Variants in EDAR observed in about 807,000 individuals in gnomAD.
EDAR encodes the protein tumor necrosis factor receptor superfamily member EDAR.
EDAR carries 38 observed loss-of-function variants against 51.3 expected under a neutral mutation model. That is an observed-to-expected ratio of 0.74 (90% CI 0.57 to 0.97). The LOEUF is 0.97. Ranked by LOEUF, EDAR falls within the 50% of genes least tolerant of loss-of-function variation. The probability of loss-of-function intolerance (pLI) is 0.00; values close to 1 mark genes in which losing one functional copy is unlikely to be tolerated. For missense variants in EDAR, 528 were observed against 595.0 expected (o/e 0.89, Z 1.17); for synonymous variants, 227 against 242.1 (o/e 0.94, Z 0.58).
At chr2:108,914,723 A>G (rs2105410874) in intron 5 of EDAR, among the ~76,000 whole-genome samples, 2 of 152,298 alleles carry the variant, frequency 1.3e-5, no homozygotes, top group East Asian at 3.9e-4. Context: ...TGTCTCTACC[A>G]GTTCTGGAGA....
intron 11 of EDAR, among the ~76,000 whole-genome samples, chr2:108,902,097 G>GA (rs2105381089): frequency 6.6e-6 from 1 of 152,214 alleles, no homozygotes; most frequent in South Asian, 2.1e-4. Flanking sequence ...AATTAGCTGG[G>GA]CATGGTGGCA....
chr2:108,918,709 T>C (rs1171101387), intron 5 of EDAR, among the ~76,000 whole-genome samples: 1 of 152,190 alleles, frequency 6.6e-6, no homozygotes, highest in African/African-American at 2.4e-5. Flanking sequence ...AGCACATGGC[T>C]GGAGGGAGCT....
intron 11 of EDAR, 42 bp from the exon 12 acceptor site, chr2:108,897,271 G>T: frequency 6.5e-7 from 1 of 1,546,784 alleles, no homozygotes; most frequent in South Asian, 1.1e-5. Context: ...GCAAGTCACA[G>T]TCAATAGAAG....
At chr2:108,917,027 C>T (rs568564609) in intron 5 of EDAR, among the ~76,000 whole-genome samples, 14 of 152,290 alleles carry the variant, frequency 9.2e-5, no homozygotes, top group East Asian at 3.9e-4. Flanking sequence ...GCTCGGAGCT[C>T]GGCAATAAGG....
At chr2:108,941,615 C>A (rs887116999) in intron 1 of EDAR, among the ~76,000 whole-genome samples, 1 of 152,196 alleles carries the variant, frequency 6.6e-6, no homozygotes, top group Non-Finnish European at 1.5e-5. Flanking sequence ...AGAAGAAAAA[C>A]GATCTCCTTG....
chr2:108,913,778 G>A (rs1022436825), intron 5 of EDAR, among the ~76,000 whole-genome samples: 8 of 151,948 alleles, frequency 5.3e-5, no homozygotes, highest in Non-Finnish European at 8.8e-5. Flanking sequence ...GGGAAACCCC[G>A]TCTCTACTAA....
intron 1 of EDAR, among the ~76,000 whole-genome samples, chr2:108,969,152 G>C (rs929961929): frequency 2.0e-5 from 3 of 152,070 alleles, no homozygotes; most frequent in Non-Finnish European, 4.4e-5. Context: ...AAGAAAGAAG[G>C]CACCTCTGCT....
chr2:108,919,051 A>G (rs1403135842), intron 5 of EDAR, among the ~76,000 whole-genome samples: 1 of 152,068 alleles, frequency 6.6e-6, no homozygotes, highest in Non-Finnish European at 1.5e-5. Context: ...GTCAGAATCC[A>G]TTGCTCAGCG....
At chr2:108,919,062 G>T (rs547177924) in intron 5 of EDAR, among the ~76,000 whole-genome samples, 20 of 152,118 alleles carry the variant, frequency 1.3e-4, no homozygotes, top group Non-Finnish European at 1.2e-4. Context: ...TTGCTCAGCG[G>T]GTCCCTGGAG....
intron 10 of EDAR, among the ~76,000 whole-genome samples, chr2:108,906,627 C>T (rs1371699900): frequency 6.6e-6 from 1 of 152,220 alleles, no homozygotes; most frequent in Non-Finnish European, 1.5e-5. Context: ...TACTTGGGGA[C>T]ACCCCTGGCA....
chr2:108,937,089 C>T (rs561765841), intron 1 of EDAR, among the ~76,000 whole-genome samples: 1 of 152,344 alleles, frequency 6.6e-6, no homozygotes, highest in African/African-American at 2.4e-5. Context: ...ACCGTCCTTC[C>T]CAAGGCTGGA....
rs1169217454 is a variant in EDAR, at chr2:108,896,280, T to C, written c.*627A>G. On this transcript the variant is annotated 3_prime_UTR_variant, in exon 12 of 12. Coordinates refer to ENST00000258443, the MANE Select transcript of EDAR (RefSeq NM_022336.4). Reference sequence around the variant, plus strand: ...AAAAAGTTATCCTAATGAAACCACATAGGGTATTAACAGACTTGTACTAAA... The same window carrying C: ...AAAAAGTTATCCTAATGAAACCACACAGGGTATTAACAGACTTGTACTAAA... The C allele has an allele frequency of 6.5e-6, 1 of 152,860 alleles. No individual in the cohort carries two copies. Among genetic ancestry groups the C allele is most frequent in the Non-Finnish European group, 1.5e-5 (1 of 68,502 alleles). The allele number at this position is 152,860 out of a possible 1,614,324, so 9.5% of individuals were successfully genotyped here. A position where few individuals can be genotyped will look rare whatever the true frequency, so the allele number is the denominator to read the frequency against.
chr2:108,912,859 A>G, intron 5 of EDAR, 95 bp from the exon 6 acceptor site: 1 of 1,075,318 alleles, frequency 9.3e-7, no homozygotes, highest in Non-Finnish European at 1.4e-6. Flanking sequence ...ATGATCATGA[A>G]TGGGCCTGAG....
At chr2:108,922,130 T>C (rs1202192200) in intron 5 of EDAR, among the ~76,000 whole-genome samples, 1 of 152,232 alleles carries the variant, frequency 6.6e-6, no homozygotes, top group Non-Finnish European at 1.5e-5. Context: ...GGCTGTGCCA[T>C]GTGAGAACTC....
chr2:108,983,996 G>A (rs913235746), intron 1 of EDAR, among the ~76,000 whole-genome samples: 9 of 152,212 alleles, frequency 5.9e-5, no homozygotes, highest in South Asian at 2.1e-4. Flanking sequence ...GGGGGGCGAC[G>A]GCGATGTCTG....
At chr2:108,971,275 C>T (rs1048503480) in intron 1 of EDAR, among the ~76,000 whole-genome samples, 4 of 152,066 alleles carry the variant, frequency 2.6e-5, no homozygotes, top group Non-Finnish European at 5.9e-5. Flanking sequence ...TAGAAACTGG[C>T]TCTGAGGAGT....
At position 108,910,550 on chromosome 2, in the gene EDAR, G is replaced by T; in HGVS notation, c.731-18C>A. 1.2e-6 allele frequency: 2 copies of T among 1,605,962 alleles called. No homozygotes were observed. Among genetic ancestry groups the T allele is most frequent in the South Asian group, 1.1e-5 (1 of 90,658 alleles). On this transcript the variant is annotated intron_variant, in intron 8 of 11. Transcript: ENST00000258443. Reference sequence around the variant, plus strand: ...CACGTTGTCTGCAGGGAAATGGGGAGGTTGGGGAGATAGGAGTTAGAATTG... The same window carrying T: ...CACGTTGTCTGCAGGGAAATGGGGATGTTGGGGAGATAGGAGTTAGAATTG...
chr2:108,986,390 GT>G (rs1158162447), intron 1 of EDAR, among the ~76,000 whole-genome samples: 1 of 152,094 alleles, frequency 6.6e-6, no homozygotes, highest in Non-Finnish European at 1.5e-5. Flanking sequence ...GAGGGGGAGT[GT>G]TTGCTTACTC....
intron 9 of EDAR, 131 bp downstream of exon 9, chr2:108,910,329 T>C (rs896266562): frequency 1.3e-4 from 98 of 731,014 alleles, no homozygotes; most frequent in Admixed American, 2.2e-4. Context: ...TGGTGGGGAC[T>C]GTCTGTCGCC....
Sources: gnomAD v4.1 joint callset for allele counts (sites outside exome capture counted in the v4.1 genomes callset) on GRCh38, gnomAD v4.1.1 for gene constraint, MANE v1.5 for transcripts, NCBI Gene and HGNC (gene_info 2026-07-23, HGNC 2026-07-21) for gene names.